The following TMEM259 variants were observed in gnomAD, a reference collection of about 807,000 sequenced individuals.
The protein encoded by TMEM259 is transmembrane protein 259.
In TMEM259, 26 loss-of-function variants were observed where a neutral mutation model predicts 46.7. The observed-to-expected ratio is 0.56, with a 90% CI of 0.41 to 0.77. The LOEUF (loss-of-function observed/expected upper bound fraction) is 0.77. Ranked by LOEUF, TMEM259 falls within the 30% of genes least tolerant of loss-of-function variation. The pLI is 0.00. For missense variants in TMEM259, 930 were observed against 900.5 expected, an observed-to-expected ratio of 1.03 and a Z score of -0.42; for synonymous variants, 494 against 395.1, an observed-to-expected ratio of 1.25 and a Z score of -2.97.
rs767333411 is a variant in TMEM259, at chr19:1,010,885, A to C, written c.1328T>G (p.Ile443Ser). The C allele has an allele frequency of 3.1e-6, 5 of 1,587,542 alleles. No homozygotes were observed. The highest frequency in any genetic ancestry group is 1.7e-6 in the Non-Finnish European group (2 of 1,173,370). ...TSWLFIQHSM[I>S]YFFHHYELPA... ...CAGCTCGTAGTGGTGGAAGAAGTAG[A>C]TCATGGAATGCTGCGGGAGGGAGAG... is the stretch of plus-strand genomic sequence containing the variant. The change falls in exon 11 of 11, where the codon ATC becomes AGC. Residue 443 changes from isoleucine to serine, a missense_variant. Transcript: ENST00000356663.
At chr19:1,010,962 GGCA>G in intron 10 of TMEM259, 67 bp from the exon 11 acceptor site, 3 of 1,559,234 alleles carry the variant, frequency 1.9e-6, no homozygotes, top group Non-Finnish European at 2.6e-6. Context: ...GCTCCCAGAG[GGCA>G]GCCCACCCGG....
At chr19:1,019,309 A>G (rs72973523) in intron 1 of TMEM259, among the ~76,000 whole-genome samples, 25,430 of 152,246 alleles carry the variant, frequency 0.17, 2,303 homozygotes, top group Middle Eastern at 0.22. Context: ...CCACAAGCCT[A>G]AGGACACAGT....
rs1423138105 is a variant in TMEM259 at position 1,010,330 on chromosome 19, A to C, written c.*20T>G. 6.9e-7 allele frequency: 1 copy of C among 1,456,436 alleles called. No individual in the cohort carries two copies. 90.2% of individuals were successfully genotyped at this position (1,456,436 alleles called of 1,614,324 possible). A position where few individuals can be genotyped will look rare whatever the true frequency, so the allele number is the denominator to read the frequency against. ...GTCAGGCCCAGCCAGCAGGGGTCAG[A>C]GGCGGCTCAGCTGTGCGGCTCAGGA... On this transcript the variant is annotated 3_prime_UTR_variant, in exon 11 of 11. Transcript: ENST00000356663.
rs777638879 is a variant in TMEM259, at chr19:1,011,956, C to T, written c.878G>A (p.Arg293His). ...CCGCGCCATCCACATGCTCACAAAGCGGTAGTGCTCGCCCGACACCACATT... is the reference window on the plus strand; with the variant it reads ...CCGCGCCATCCACATGCTCACAAAGTGGTAGTGCTCGCCCGACACCACATT... Reference protein sequence around the residue: ...LRNVVSGEHYRFVSMWMARTS... With the variant: ...LRNVVSGEHYHFVSMWMARTS... Residue 293 changes from arginine to histidine, a missense_variant, in exon 6 of 11, where the codon CGC (arginine) becomes CAC (histidine). Transcript: ENST00000356663. 16 of 1,612,180 alleles carry T rather than the reference C, an allele frequency of 9.9e-6. No individual in the cohort carries two copies. The African/African-American group carries it at 1.2e-4, about 12-fold the overall frequency.
rs1373234672 is a variant in TMEM259, at chr19:1,009,699, A to C, written c.*651T>G. ...TCTATATACAAACACAATTTTGTAC[A>C]CTGCAATTAAATAGAATGGAATGAG... On this transcript the variant is annotated 3_prime_UTR_variant, in exon 11 of 11. Coordinates refer to ENST00000356663, the MANE Select transcript of TMEM259 (RefSeq NM_001033026.2). The C allele has an allele frequency of 9.8e-7, 1 of 1,025,046 alleles. No individual in the cohort carries two copies. Among genetic ancestry groups the C allele is most frequent in the Non-Finnish European group, 1.3e-6 (1 of 768,452 alleles). The allele number at this position is 1,025,046 out of a possible 1,614,324, so 63.5% of individuals were successfully genotyped here.
In TMEM259 at chr19:1,011,528, C is replaced by T. The variant is rs552909172; in HGVS notation, c.1085-29G>A. On this transcript the variant is annotated intron_variant, in intron 8 of 10. Coordinates refer to ENST00000356663, the MANE Select transcript of TMEM259 (RefSeq NM_001033026.2). ...CAGGGAGAGGCGGCGCCGGTTGAAG[C>T]GGGCGGGGCGGGGTGCAGCGCGGGG... 2.3e-4 allele frequency: 148 copies of T among 654,510 alleles called. No individual in the cohort carries two copies. The East Asian group carries it at 8.1e-3, about 36-fold the overall frequency. 40.5% of individuals were successfully genotyped at this position (654,510 alleles called of 1,614,324 possible).
intron 2 of TMEM259, 113 bp downstream of exon 2, chr19:1,014,079 G>A: frequency 1.5e-6 from 2 of 1,358,566 alleles, no homozygotes; most frequent in Non-Finnish European, 2.0e-6. Flanking sequence ...TGCATGCCAG[G>A]TCCCTGAAAG....
At position 1,016,656 on chromosome 19, in the gene TMEM259, C is replaced by T. The variant is rs1005496972; in HGVS notation, c.226-2183G>A. On this transcript the variant is annotated intron_variant, in intron 1 of 10. Transcript: ENST00000356663. ...ATATACGAGGAACTGACACAGAGGTCCCGACAGACCTGGACCTGCTGAGGT... is the reference window on the plus strand; with the variant it reads ...ATATACGAGGAACTGACACAGAGGTTCCGACAGACCTGGACCTGCTGAGGT... Among the ~76,000 whole-genome samples the T allele has an allele frequency of 3.9e-5, 6 of 152,168 alleles. No homozygotes were observed. In the East Asian group the frequency reaches 1.2e-3, roughly 29 times the overall value.
intron 1 of TMEM259, among the ~76,000 whole-genome samples, chr19:1,016,205 C>CG (rs1432386427): frequency 6.6e-6 from 1 of 151,352 alleles, no homozygotes; most frequent in Admixed American, 6.6e-5. Context: ...GAGGGGTGGG[C>CG]GGGGGGAGGG....
At position 1,014,614 on chromosome 19, in the gene TMEM259, C is replaced by T; in HGVS notation, c.226-141G>A. On this transcript the variant is annotated intron_variant, in intron 1 of 10. Transcript: ENST00000356663. ...AGGAAACCCCAGAAGCCGAATTGGG[C>T]TCTGAGGACCCTGGGTCCCTCCCAC... 4 of 967,262 alleles carry T rather than the reference C, an allele frequency of 4.1e-6. No homozygotes were observed. In the South Asian group the frequency reaches 6.7e-5, roughly 16 times the overall value. The allele number at this position is 967,262 out of a possible 1,614,324, so 59.9% of individuals were successfully genotyped here.
intron 10 of TMEM259, 37 bp from the exon 11 acceptor site, chr19:1,010,932 C>G: frequency 6.4e-7 from 1 of 1,572,500 alleles, no homozygotes; most frequent in Middle Eastern, 1.9e-4. Flanking sequence ...ACGGGCCCGC[C>G]CCTGCCCCAC....
At position 1,010,908 on chromosome 19, in the gene TMEM259, G is replaced by A; in HGVS notation, c.1318-13C>T. 6.3e-7 allele frequency: 1 copy of A among 1,587,550 alleles called. No individual in the cohort carries two copies. Among genetic ancestry groups the A allele is most frequent in the Non-Finnish European group, 8.5e-7 (1 of 1,174,924 alleles). On this transcript the variant is annotated splice_polypyrimidine_tract_variant and intron_variant, in intron 10 of 10. Transcript: ENST00000356663. ...AGATCATGGAATGCTGCGGGAGGGA[G>A]AGTGGGAGTCAGGACGGGCCCGCCC...
chr19:1,019,202 G>T (rs1184502936), intron 1 of TMEM259, among the ~76,000 whole-genome samples: 1 of 151,514 alleles, frequency 6.6e-6, no homozygotes, highest in Non-Finnish European at 1.5e-5. Flanking sequence ...TTCCAAACCG[G>T]GACATGGTGG....
Position 1,011,474 on chromosome 19 carries a change from G to A in TMEM259, c.1110C>T (p.Phe370=), listed in dbSNP as rs771459769. The change falls in exon 9 of 11, where the codon TTC becomes TTT. Residue 370 remains phenylalanine (F), a synonymous_variant. Coordinates refer to ENST00000356663, the MANE Select transcript of TMEM259 (RefSeq NM_001033026.2). The part of the protein sequence containing the change: ...LVGMEAIMSE[F]FNDTTTAFYI... ...AGAAGGCGGTGGTGGTGTCGTTGAA[G>A]AACTCCGACATGATGGCCTCCATCC... The A allele has an allele frequency of 3.2e-6, 5 of 1,548,396 alleles. No homozygotes were observed. The South Asian group carries it at 3.6e-5, about 11-fold the overall frequency.
At chr19:1,013,076 G>C (rs2038991623) in intron 3 of TMEM259, among the ~76,000 whole-genome samples, 165 bp downstream of exon 3, 1 of 152,192 alleles carries the variant, frequency 6.6e-6, no homozygotes, top group African/African-American at 2.4e-5. Context: ...TGTCCCCACA[G>C]CCTCCTGTGC....
chr19:1,010,114 C>T lies in TMEM259; in HGVS notation c.*236G>A. On this transcript the variant is annotated 3_prime_UTR_variant, in exon 11 of 11. Transcript: ENST00000356663. Reference sequence around the variant, plus strand: ...CCCTCCAGAACCTTCCGCGGAACCCCACCCCCTCTCCTTGCTGACCAGCTC... The same window carrying T: ...CCCTCCAGAACCTTCCGCGGAACCCTACCCCCTCTCCTTGCTGACCAGCTC... The T allele has an allele frequency of 9.9e-6, 5 of 505,372 alleles. No individual in the cohort carries two copies. Among genetic ancestry groups the T allele is most frequent in the Non-Finnish European group, 1.7e-5 (5 of 291,042 alleles). 31.3% of individuals were successfully genotyped at this position (505,372 alleles called of 1,614,324 possible).
intron 1 of TMEM259, among the ~76,000 whole-genome samples, chr19:1,016,983 C>G (rs996683821): frequency 2.0e-5 from 3 of 152,208 alleles, no homozygotes; most frequent in African/African-American, 7.2e-5. Context: ...CCATCAGGTG[C>G]TCCGTGCTGA....
chr19:1,013,214 G>C lies in TMEM259; in HGVS notation c.607+27C>G, dbSNP rs374349251. 1.9e-6 allele frequency: 3 copies of C among 1,599,114 alleles called. No individual in the cohort carries two copies. The African/African-American group carries it at 4.0e-5, about 21-fold the overall frequency. On this transcript the variant is annotated intron_variant, in intron 3 of 10. Coordinates refer to ENST00000356663, the MANE Select transcript of TMEM259 (RefSeq NM_001033026.2). Reference sequence around the variant, plus strand: ...CCCATGACTGAGGCAACCCCGTGAGGCAGTACACCTTTGGTGGGTGGCCTA... The same window carrying C: ...CCCATGACTGAGGCAACCCCGTGAGCCAGTACACCTTTGGTGGGTGGCCTA...
intron 1 of TMEM259, chr19:1,017,277 A>C (rs958468966): frequency 5.0e-6 from 2 of 399,790 alleles, no homozygotes; most frequent in Non-Finnish European, 8.8e-6. Context: ...CAGGGAGCTC[A>C]CCTGCAAATG....
Sources: gnomAD v4.1 joint callset for allele counts (sites outside exome capture counted in the v4.1 genomes callset) on GRCh38, gnomAD v4.1.1 for gene constraint, MANE v1.5 for transcripts, NCBI Gene and HGNC (gene_info 2026-07-23, HGNC 2026-07-21) for gene names.